GDF1: variants seen among roughly 807,000 people sequenced by gnomAD.
The protein encoded by GDF1 is embryonic growth/differentiation factor 1.
A neutral mutation model predicts 7.4 loss-of-function variants in GDF1; 8 were observed. The ratio of observed to expected loss-of-function variants is 1.09; its 90% confidence interval spans 0.64 to 1.96. The LOEUF (loss-of-function observed/expected upper bound fraction) is 1.96, where lower values mean the gene tolerates loss of function less well. Ranked by LOEUF, GDF1 falls within the 30% of genes most tolerant of loss-of-function variation. The pLI is 0.00. For synonymous variants in GDF1, 311 were observed against 276.7 expected (o/e 1.12, Z -1.23); for missense variants, 574 against 551.5 (o/e 1.04, Z -0.41).
chr19:18,882,364 G>T (rs2056232689), intron 3 of GDF1, among the ~76,000 whole-genome samples: 1 of 151,810 alleles, frequency 6.6e-6, no homozygotes, highest in African/African-American at 2.4e-5. Flanking sequence ...CAGACGTGGT[G>T]GCTCACACCT....
At chr19:18,884,479 C>T (rs2056300819) in intron 2 of GDF1, among the ~76,000 whole-genome samples, 1 of 151,264 alleles carries the variant, frequency 6.6e-6, no homozygotes. Flanking sequence ...AGTGCAGTGG[C>T]ATGATCTCAG....
Position 18,869,295 on chromosome 19 carries a change from G to C in GDF1, c.421C>G (p.Arg141Gly). 1 of 1,512,716 alleles carries C rather than the reference G, an allele frequency of 6.6e-7. No individual in the cohort carries two copies. The highest frequency in any genetic ancestry group is 8.8e-7 in the Non-Finnish European group (1 of 1,137,970). The allele number at this position is 1,512,716 out of a possible 1,614,324, so 93.7% of individuals were successfully genotyped here. Reference sequence around the variant, plus strand: ...AGCTCCAGGCGGGCCCGGCTCGGGCGCTCAGCGGGTTCCACAGCCGACAGG... The same window carrying C: ...AGCTCCAGGCGGGCCCGGCTCGGGCCCTCAGCGGGTTCCACAGCCGACAGG... ...FDLSAVEPAE[R>G]PSRARLELRF... Residue 141 changes from arginine to glycine, a missense_variant, in exon 8 of 8, where the codon CGC (arginine) becomes GGC (glycine). Arg to Gly is a moderately radical substitution (Grantham distance 125). Coordinates refer to ENST00000247005, the MANE Select transcript of GDF1 (RefSeq NM_001492.6).
chr19:18,878,466 A>C lies in GDF1; in HGVS notation c.-313+464T>G. On this transcript the variant is annotated intron_variant, in intron 6 of 7. Coordinates refer to ENST00000247005, the MANE Select transcript of GDF1 (RefSeq NM_001492.6). This position sits in a 1 kb window ranked among gnomAD's most constrained non-coding sequence, Gnocchi z 4.6. ...GGCAGTGGGCTCCCCTGTCAAACTC[A>C]GAGGCCAGGATGTCTCGGCCCAGAT... 2 of 990,848 alleles carry C rather than the reference A, an allele frequency of 2.0e-6. No homozygotes were observed. Among genetic ancestry groups the C allele is most frequent in the Non-Finnish European group, 1.2e-6 (1 of 832,944 alleles). The allele number at this position is 990,848 out of a possible 1,614,324, so 61.4% of individuals were successfully genotyped here. A position where few individuals can be genotyped will look rare whatever the true frequency, so the allele number is the denominator to read the frequency against.
In GDF1 at chr19:18,881,208, CTTTTTTTTTTTAATTT is replaced by C. The variant is rs1216588790; in HGVS notation, c.-732-789_-732-774del. Among the ~76,000 whole-genome samples, 4 of 146,990 alleles carry C rather than the reference CTTTTTTTTTTTAATTT, an allele frequency of 2.7e-5. No individual in the cohort carries two copies. The South Asian group carries it at 8.7e-4, about 32-fold the overall frequency. On this transcript the variant is annotated intron_variant, in intron 3 of 7. Coordinates refer to ENST00000247005, the MANE Select transcript of GDF1 (RefSeq NM_001492.6). The stretch of plus-strand genomic sequence containing the variant: ...GCCTCTGCCGCAGCCCATCAGGATC[CTTTTTTTTTTTAATTT>C]TTTTTTTTTTTTGAGACAGAGTCTT...
chr19:18,871,253 A>G (rs2055965656), intron 6 of GDF1, among the ~76,000 whole-genome samples: 1 of 136,098 alleles, frequency 7.3e-6, no homozygotes, highest in East Asian at 2.1e-4. Context: ...TTGAGACAGA[A>G]TCTTGCTCTG....
At chr19:18,881,888 C>G (rs2056219098) in intron 3 of GDF1, 1 of 152,260 alleles carries the variant, frequency 6.6e-6, no homozygotes, top group Admixed American at 6.5e-5. Context: ...CGGCTCACAG[C>G]CACCTCTGCC....
chr19:18,888,519 TAA>T (rs781426705), intron 2 of GDF1, among the ~76,000 whole-genome samples: 661 of 59,014 alleles, frequency 0.011, 3 homozygotes, highest in Middle Eastern at 0.014. Flanking sequence ...CCCTGTCTCT[TAA>T]AAAAAAAAAA....
chr19:18,872,904 C>T (rs1449589793), intron 6 of GDF1, among the ~76,000 whole-genome samples: 1 of 152,222 alleles, frequency 6.6e-6, no homozygotes, highest in Non-Finnish European at 1.5e-5. Context: ...CCGCCTCAGC[C>T]TCTCAAAGTG....
At position 18,869,022 on chromosome 19, in the gene GDF1, C is replaced by G. The variant is rs1258108118; in HGVS notation, c.694G>C (p.Glu232Gln). The G allele has an allele frequency of 1.8e-6, 2 of 1,081,868 alleles. No individual in the cohort carries two copies. Among genetic ancestry groups the G allele is most frequent in the Non-Finnish European group, 2.2e-6 (2 of 893,112 alleles). The allele number at this position is 1,081,868 out of a possible 1,614,324, so 67.0% of individuals were successfully genotyped here. A position where few individuals can be genotyped will look rare whatever the true frequency, so the allele number is the denominator to read the frequency against. Residue 232 changes from glutamate (E) to glutamine (Q), a missense_variant, in exon 8 of 8, where the codon GAG becomes CAG. Coordinates refer to ENST00000247005, the MANE Select transcript of GDF1 (RefSeq NM_001492.6). ...RAPAACARLAEASLLLVTLDP... is the reference protein window; with the variant it reads ...RAPAACARLAQASLLLVTLDP... The stretch of plus-strand genomic sequence containing the variant: ...AGGGTCACCAGCAGCAGCGAGGCCT[C>G]GGCCAGGCGCGCGCAGGCGGCAGGG...
chr19:18,894,242 G>A (rs1237125642), intron 1 of GDF1, among the ~76,000 whole-genome samples: 2 of 150,448 alleles, frequency 1.3e-5, no homozygotes, highest in Admixed American at 6.6e-5. Context: ...GGGTTGGGGA[G>A]TGCGGTGGGT....
chr19:18,875,587 GTA>G (rs1277268322), intron 6 of GDF1, among the ~76,000 whole-genome samples: 48 of 152,060 alleles, frequency 3.2e-4, no homozygotes, highest in African/African-American at 1.2e-3. Context: ...TGTTAAAACG[GTA>G]ATCCACCTGG....
At chr19:18,891,498 A>C (rs1356191332) in intron 2 of GDF1, among the ~76,000 whole-genome samples, 9 of 151,892 alleles carry the variant, frequency 5.9e-5, no homozygotes, top group Middle Eastern at 3.4e-3. Flanking sequence ...CGCTGCAGTC[A>C]CCTCCCTGCC....
intron 3 of GDF1, among the ~76,000 whole-genome samples, chr19:18,881,221 A>AT (rs764854215): frequency 0.013 from 1,779 of 138,406 alleles, 10 homozygotes; most frequent in African/African-American, 0.022. Flanking sequence ...TTTTTTTTTA[A>AT]TTTTTTTTTT....
chr19:18,887,200 T>G (rs2056383296), intron 2 of GDF1, among the ~76,000 whole-genome samples: 1 of 152,236 alleles, frequency 6.6e-6, no homozygotes, highest in Non-Finnish European at 1.5e-5. Context: ...GGATCCATGC[T>G]ACAATGTGGG....
intron 2 of GDF1, among the ~76,000 whole-genome samples, chr19:18,892,073 T>C (rs1315731622): frequency 1.3e-5 from 2 of 151,910 alleles, no homozygotes. Flanking sequence ...TATTTTTGTA[T>C]TTTTAGTACA....
In GDF1 at chr19:18,885,797, G is replaced by A. The variant is rs190436592; in HGVS notation, c.-913-1530C>T. ...GCCTCCCAAAGTGCTGGGATTACGG[G>A]CGTGAGCCGCTGCGCCCGGCCTCTT... On this transcript the variant is annotated intron_variant, in intron 2 of 7. Coordinates refer to ENST00000247005, the MANE Select transcript of GDF1 (RefSeq NM_001492.6). 1.0e-3 allele frequency among the ~76,000 whole-genome samples: 155 copies of A among 152,194 alleles called. 1 individual carries two copies. The highest frequency in any genetic ancestry group is 2.5e-3 in the Admixed American group (38 of 15,292).
Position 18,869,368 on chromosome 19 carries a change from C to T in GDF1, c.348G>A (p.Glu116=). The T allele has an allele frequency of 6.5e-7, 1 of 1,530,308 alleles. No individual in the cohort carries two copies. The highest frequency in any genetic ancestry group is 1.2e-5 in the South Asian group (1 of 83,924). 94.8% of individuals were successfully genotyped at this position (1,530,308 alleles called of 1,614,324 possible). A position where few individuals can be genotyped will look rare whatever the true frequency, so the allele number is the denominator to read the frequency against. ...PDRGAPTRAS[E]PASAAGHCPE... ...GGCAATGCCCCGCGGCCGAGGCAGG[C>T]TCCGAGGCCCGGGTGGGCGCACCTG... The change falls in exon 8 of 8, where the codon GAG becomes GAA. Residue 116 remains glutamate (E), a synonymous_variant. Transcript: ENST00000247005.
At chr19:18,891,734 T>A (rs1446980720) in intron 2 of GDF1, among the ~76,000 whole-genome samples, 1 of 151,404 alleles carries the variant, frequency 6.6e-6, no homozygotes, top group Non-Finnish European at 1.5e-5. Flanking sequence ...TGCCCCACCA[T>A]ACCAGGCTAA....
At chr19:18,877,226 T>G (rs2056074830) in intron 6 of GDF1, among the ~76,000 whole-genome samples, 1 of 152,228 alleles carries the variant, frequency 6.6e-6, no homozygotes, top group South Asian at 2.1e-4. Context: ...GCTCTTACCC[T>G]GTGTTCTGAT....
Sources: allele counts gnomAD v4.1 joint callset (sites outside exome capture counted in the v4.1 genomes callset), GRCh38; gene constraint gnomAD v4.1.1; non-coding constraint Gnocchi (gnomAD v3.1); transcripts MANE v1.5; gene names NCBI Gene and HGNC (gene_info 2026-07-23, HGNC 2026-07-21).